Variants in CACNA1E observed in about 807,000 individuals in gnomAD.
CACNA1E encodes the protein voltage-dependent R-type calcium channel subunit alpha-1E.
A neutral mutation model predicts 259.2 loss-of-function variants in CACNA1E; 40 were observed. That is an observed-to-expected ratio of 0.15 (90% CI 0.12 to 0.20). The LOEUF (loss-of-function observed/expected upper bound fraction) is 0.20, where lower values mean the gene tolerates loss of function less well. Among genes scored for constraint, CACNA1E ranks in the 10% least tolerant of loss-of-function variants. CACNA1E has a pLI of 1.00. For synonymous variants in CACNA1E, 1,104 were observed against 1,138.5 expected, an observed-to-expected ratio of 0.97 and a Z score of 0.61; for missense variants, 1,874 against 3,040.1, an observed-to-expected ratio of 0.62 and a Z score of 9.02.
Position 181,731,622 on chromosome 1 carries a change from T to G in CACNA1E, c.2297+391T>G, listed in dbSNP as rs374424849. 7.3e-4 allele frequency among the ~76,000 whole-genome samples: 111 copies of G among 152,204 alleles called. 2 individuals carry two copies. The highest frequency in any genetic ancestry group is 2.6e-3 in the African/African-American group (107 of 41,518). On this transcript the variant is annotated intron_variant, in intron 19 of 47. Transcript: ENST00000367573. ...TAGGTGTGCGCCCACAGGCACAGGC[T>G]CAGGGAGGAGGTAACTTCCCCTCCG...
Position 181,485,083 on chromosome 1 carries a change from G to A in CACNA1E, c.266+1073G>A, listed in dbSNP as rs1457969114. On this transcript the variant is annotated intron_variant, in intron 1 of 47. Transcript: ENST00000367573. The surrounding 1 kb of genome is among the most constrained non-coding windows in gnomAD (Gnocchi z 4.2). ...GGTGAGGCAGTGAAGGGGATTAGTA[G>A]GAGGCAAGCTAGTGGTCTGGCGTTA... is the stretch of plus-strand genomic sequence containing the variant. Among the ~76,000 whole-genome samples the A allele has an allele frequency of 1.3e-5, 2 of 152,246 alleles. No individual in the cohort carries two copies. The highest frequency in any genetic ancestry group is 2.9e-5 in the Non-Finnish European group (2 of 68,044).
chr1:181,492,137 CAAAA>C (rs909246984), intron 1 of CACNA1E, among the ~76,000 whole-genome samples: 1 of 152,114 alleles, frequency 6.6e-6, no homozygotes, highest in African/African-American at 2.4e-5. Flanking sequence ...CAAAACAAAA[CAAAA>C]CAAAACAAAA....
At chr1:181,666,872 G>C (rs1648287146) in intron 7 of CACNA1E, among the ~76,000 whole-genome samples, 1 of 152,196 alleles carries the variant, frequency 6.6e-6, no homozygotes, top group African/African-American at 2.4e-5. Context: ...CAAAAATTGA[G>C]TTGGAGCCCC....
chr1:181,751,661 G>T (rs1174260868), intron 26 of CACNA1E, among the ~76,000 whole-genome samples: 2 of 152,210 alleles, frequency 1.3e-5, no homozygotes, highest in African/African-American at 4.8e-5. Flanking sequence ...TCAACTGTGG[G>T]TTCATCAATT....
At chr1:181,626,139 A>G (rs1013491867) in intron 6 of CACNA1E, among the ~76,000 whole-genome samples, 1 of 152,232 alleles carries the variant, frequency 6.6e-6, no homozygotes, top group Non-Finnish European at 1.5e-5. Flanking sequence ...AAGATTGCTG[A>G]TCACAAATCA....
rs1292031320 is a variant in CACNA1E, at chr1:181,798,374, C to T, written c.6482C>T (p.Pro2161Leu). 2 of 1,612,806 alleles carry T rather than the reference C, an allele frequency of 1.2e-6. No individual in the cohort carries two copies. The highest frequency in any genetic ancestry group is 1.3e-5 in the African/African-American group (1 of 75,012). The change falls in exon 48 of 48, where the codon CCC becomes CTC. Residue 2161 changes from proline to leucine, a missense_variant. Coordinates refer to ENST00000367573, the MANE Select transcript of CACNA1E (RefSeq NM_001205293.3). This position sits in a 1 kb window ranked among gnomAD's most constrained non-coding sequence, Gnocchi z 4.2. Reference sequence around the variant, plus strand: ...AGAAGAAGTCGTCGGCAGCTCCCACCCGTCCCGCCAAAGCCCCGGCCCCTC... The same window carrying T: ...AGAAGAAGTCGTCGGCAGCTCCCACTCGTCCCGCCAAAGCCCCGGCCCCTC... Reference protein sequence around the residue: ...TPRRSRRQLPPVPPKPRPLLS... With the variant: ...TPRRSRRQLPLVPPKPRPLLS...
intron 1 of CACNA1E, among the ~76,000 whole-genome samples, chr1:181,388,143 G>A (rs969001616): frequency 6.6e-6 from 1 of 152,204 alleles, no homozygotes; most frequent in African/African-American, 2.4e-5. Flanking sequence ...TAGCAGAGCA[G>A]CCAGAGCACG....
intron 3 of CACNA1E, among the ~76,000 whole-genome samples, chr1:181,532,928 T>G (rs930148080): frequency 1.3e-5 from 2 of 152,242 alleles, no homozygotes; most frequent in Non-Finnish European, 2.9e-5. Flanking sequence ...AGACTATTAT[T>G]ACATACTTGC....
intron 1 of CACNA1E, among the ~76,000 whole-genome samples, chr1:181,332,543 A>T (rs560577501): frequency 2.0e-5 from 3 of 152,232 alleles, no homozygotes; most frequent in African/African-American, 7.2e-5. Flanking sequence ...GCCTATAAAC[A>T]TAGAGGATTC....
At chr1:181,392,734 A>G (rs2102045635) in intron 1 of CACNA1E, among the ~76,000 whole-genome samples, 1 of 152,368 alleles carries the variant, frequency 6.6e-6, no homozygotes, top group Middle Eastern at 3.4e-3. Context: ...AGAGCAATAC[A>G]GTCATTGGAA....
At chr1:181,448,827 TC>T (rs1221091591) in intron 2 of CACNA1E, among the ~76,000 whole-genome samples, 1 of 152,186 alleles carries the variant, frequency 6.6e-6, no homozygotes, top group Non-Finnish European at 1.5e-5. Context: ...GGAAAGCTGG[TC>T]CAAGCCTCCT....
chr1:181,732,554 AC>A lies in CACNA1E; in HGVS notation c.2472del (p.Ser825AlafsTer82). The part of the protein sequence containing the change: ...PLSSLNPLNA[H>X]PSLYRRPRAI... ...AGCTCCCTCAACCCGCTCAATGCCC[AC>A]CCCAGCCTTTATCGGCGACCCAGGG... On this transcript the variant is annotated frameshift_variant, in exon 20 of 48. Coordinates refer to ENST00000367573, the MANE Select transcript of CACNA1E (RefSeq NM_001205293.3). LOFTEE classifies it high-confidence loss of function. The surrounding 1 kb of genome is among the most constrained non-coding windows in gnomAD (Gnocchi z 5.5). 6.5e-7 allele frequency: 1 copy of A among 1,544,874 alleles called. No individual in the cohort carries two copies. The highest frequency in any genetic ancestry group is 8.7e-7 in the Non-Finnish European group (1 of 1,144,086).
chr1:181,561,640 C>T (rs1228415074), intron 3 of CACNA1E, among the ~76,000 whole-genome samples: 2 of 152,046 alleles, frequency 1.3e-5, no homozygotes, highest in Non-Finnish European at 2.9e-5. Context: ...TTATTTCTGC[C>T]TAGTATTCAG....
chr1:181,347,511 A>T (rs529253862), intron 1 of CACNA1E, among the ~76,000 whole-genome samples: 1 of 152,184 alleles, frequency 6.6e-6, no homozygotes, highest in African/African-American at 2.4e-5. Flanking sequence ...CCCAAAGAGC[A>T]TCAGGGCCCC....
chr1:181,785,225 TGTTCCAGAGA>T (rs1342175101), intron 41 of CACNA1E, 83 bp from the exon 42 acceptor site: 11 of 756,768 alleles, frequency 1.5e-5, no homozygotes, highest in Non-Finnish European at 2.6e-5. Flanking sequence ...AGCACAGACC[TGTTCCAGAGA>T]GTGGGTAACA....
chr1:181,672,406 A>C (rs149887046), intron 7 of CACNA1E, among the ~76,000 whole-genome samples: 179 of 152,374 alleles, frequency 1.2e-3, no homozygotes, highest in African/African-American at 3.8e-3. Flanking sequence ...ATGTCTTTGC[A>C]TTAACTAGTG....
intron 1 of CACNA1E, among the ~76,000 whole-genome samples, chr1:181,388,046 T>C (rs1011889424): frequency 6.6e-6 from 1 of 152,208 alleles, no homozygotes; most frequent in Non-Finnish European, 1.5e-5. Context: ...CAACATTTGC[T>C]CTGAGGATAA....
At chr1:181,524,252 A>G (rs185181367) in intron 3 of CACNA1E, among the ~76,000 whole-genome samples, 1 of 152,164 alleles carries the variant, frequency 6.6e-6, no homozygotes, top group South Asian at 2.1e-4. Flanking sequence ...TTATGTTTGT[A>G]TGGGAAATTG....
rs1663711365 is a variant in CACNA1E, at chr1:181,485,337, C to A, written c.266+1327C>A. 6.6e-6 allele frequency among the ~76,000 whole-genome samples: 1 copy of A among 152,230 alleles called. No individual in the cohort carries two copies. The highest frequency in any genetic ancestry group is 2.4e-5 in the African/African-American group (1 of 41,448). On this transcript the variant is annotated intron_variant, in intron 1 of 47. Coordinates refer to ENST00000367573, the MANE Select transcript of CACNA1E (RefSeq NM_001205293.3). This position sits in a 1 kb window ranked among gnomAD's most constrained non-coding sequence, Gnocchi z 4.2. ...ATCTCCCTACTCCCCCAACCCCAGT[C>A]TCTGGCCTTCCCCTTCTTCTCTAGT...
Sources: allele counts gnomAD v4.1 joint callset (sites outside exome capture counted in the v4.1 genomes callset), GRCh38; gene constraint gnomAD v4.1.1; non-coding constraint Gnocchi (gnomAD v3.1); transcripts MANE v1.5; gene names NCBI Gene and HGNC (gene_info 2026-07-23, HGNC 2026-07-21).